The following TMEM45B variants were observed in gnomAD, a reference collection of about 807,000 sequenced individuals.
The protein encoded by TMEM45B is transmembrane protein 45B.
A neutral mutation model predicts 27.3 loss-of-function variants in TMEM45B; 29 were observed. That is an observed-to-expected ratio of 1.06 (90% CI 0.79 to 1.45). The LOEUF (loss-of-function observed/expected upper bound fraction) is 1.45. Ranked by LOEUF, TMEM45B falls within the 40% of genes most tolerant of loss-of-function variation. The probability of loss-of-function intolerance (pLI) is 0.00; values close to 1 mark genes in which losing one functional copy is unlikely to be tolerated. For missense variants in TMEM45B, 348 were observed against 343.9 expected (o/e 1.01, Z -0.09); for synonymous variants, 143 against 134.7 (o/e 1.06, Z -0.43).
At chr11:129,847,542 G>C (rs1219590542) in intron 1 of TMEM45B, among the ~76,000 whole-genome samples, 2 of 151,254 alleles carry the variant, frequency 1.3e-5, no homozygotes, top group Non-Finnish European at 2.9e-5. Context: ...TTCCTAGGCA[G>C]AGTGTGTGTG....
At chr11:129,822,788 T>C (rs1471941074) in intron 1 of TMEM45B, among the ~76,000 whole-genome samples, 1 of 152,160 alleles carries the variant, frequency 6.6e-6, no homozygotes, top group Non-Finnish European at 1.5e-5. Flanking sequence ...TACAACTAAT[T>C]TACTTTTTGA....
At chr11:129,848,178 G>A (rs898677396) in intron 1 of TMEM45B, among the ~76,000 whole-genome samples, 4 of 151,928 alleles carry the variant, frequency 2.6e-5, no homozygotes, top group African/African-American at 9.7e-5. Flanking sequence ...CTGGGAGGTG[G>A]AGGTTGTAGC....
At position 129,826,567 on chromosome 11, in the gene TMEM45B, A is replaced by AAAAAAAAAAAAAAAGAAAAAT. The variant is rs1199881268; in HGVS notation, c.-9+10670_-9+10671insAAAAAAAAAAAAAGAAAAATA. On this transcript the variant is annotated intron_variant, in intron 1 of 5. Transcript: ENST00000281441. ...CTGTCACAAAAAAAAAAAAAAAAAA[A>AAAAAAAAAAAAAAAGAAAAAT]AGGACCCTGAGAGGCTATGTGTCTT... Among the ~76,000 whole-genome samples the AAAAAAAAAAAAAAAGAAAAAT allele has an allele frequency of 1.8e-3, 174 of 96,064 alleles. 10 individuals carry two copies. The highest frequency in any genetic ancestry group is 2.3e-3 in the Non-Finnish European group (117 of 49,848). 63.0% of individuals were successfully genotyped at this position (96,064 alleles called of 152,430 possible).
chr11:129,816,193 C>A (rs981321079), intron 1 of TMEM45B, among the ~76,000 whole-genome samples: 1 of 152,108 alleles, frequency 6.6e-6, no homozygotes, highest in African/African-American at 2.4e-5. Flanking sequence ...TCCGGCTGGC[C>A]GCGGCCCTGG....
chr11:129,833,870 A>C (rs1033564970), intron 1 of TMEM45B, among the ~76,000 whole-genome samples: 7 of 152,234 alleles, frequency 4.6e-5, no homozygotes, highest in African/African-American at 1.7e-4. Flanking sequence ...CAGGAGAGAC[A>C]CCTCAGAAGA....
At chr11:129,842,384 T>C (rs1217364171) in intron 1 of TMEM45B, among the ~76,000 whole-genome samples, 1 of 152,220 alleles carries the variant, frequency 6.6e-6, no homozygotes, top group Non-Finnish European at 1.5e-5. Flanking sequence ...ACACTTCCTG[T>C]GTTCAAATTA....
chr11:129,818,021 T>A (rs1039313787), intron 1 of TMEM45B, among the ~76,000 whole-genome samples: 6 of 152,298 alleles, frequency 3.9e-5, no homozygotes, highest in Admixed American at 2.0e-4. Context: ...TATAGAAAGA[T>A]CATAAGACAA....
chr11:129,834,509 C>T (rs2135570181), intron 1 of TMEM45B, among the ~76,000 whole-genome samples: 1 of 150,956 alleles, frequency 6.6e-6, no homozygotes, highest in East Asian at 2.0e-4. Flanking sequence ...AAAAACAGAG[C>T]TGTAGAGAAA....
At chr11:129,836,485 T>G (rs182644576) in intron 1 of TMEM45B, among the ~76,000 whole-genome samples, 1 of 152,174 alleles carries the variant, frequency 6.6e-6, no homozygotes, top group South Asian at 2.1e-4. Context: ...CAGGGTGTTA[T>G]GGGCTGAGTG....
intron 1 of TMEM45B, among the ~76,000 whole-genome samples, chr11:129,820,814 T>C (rs949160035): frequency 2.6e-5 from 4 of 152,218 alleles, no homozygotes; most frequent in Non-Finnish European, 5.9e-5. Flanking sequence ...AAGGTTTTCA[T>C]TGAGTTTATA....
chr11:129,817,927 G>A (rs2135546649), intron 1 of TMEM45B, among the ~76,000 whole-genome samples: 1 of 152,254 alleles, frequency 6.6e-6, no homozygotes, highest in South Asian at 2.1e-4. Flanking sequence ...CCTTGCTATT[G>A]CAAAACTTTT....
chr11:129,833,592 T>C (rs1947580519), intron 1 of TMEM45B, among the ~76,000 whole-genome samples: 1 of 152,030 alleles, frequency 6.6e-6, no homozygotes, highest in African/African-American at 2.4e-5. Flanking sequence ...CTGGCCAACA[T>C]GGTGAAACCT....
At chr11:129,818,217 AT>A (rs1218404530) in intron 1 of TMEM45B, among the ~76,000 whole-genome samples, 1 of 152,212 alleles carries the variant, frequency 6.6e-6, no homozygotes, top group Non-Finnish European at 1.5e-5. Flanking sequence ...ATTTTAGCAA[AT>A]TTTATCTCTC....
chr11:129,857,463 G>C lies in TMEM45B; in HGVS notation c.716+5G>C. ...CAACTATTCTCTTGTTTACTGGTATGTCTGAGACTTCAGTGAAGCTTTTCC... is the reference window on the plus strand; with the variant it reads ...CAACTATTCTCTTGTTTACTGGTATCTCTGAGACTTCAGTGAAGCTTTTCC... On this transcript the variant is annotated splice_donor_5th_base_variant and intron_variant, in intron 5 of 5. Coordinates refer to ENST00000281441, the MANE Select transcript of TMEM45B (RefSeq NM_138788.5). 1 of 1,614,004 alleles carries C rather than the reference G, an allele frequency of 6.2e-7. No individual in the cohort carries two copies. The highest frequency in any genetic ancestry group is 8.5e-7 in the Non-Finnish European group (1 of 1,179,966).
intron 1 of TMEM45B, chr11:129,850,546 C>G (rs754545656): frequency 4.6e-5 from 7 of 152,208 alleles, no homozygotes; most frequent in Non-Finnish European, 1.0e-4. Flanking sequence ...GCCAAATATC[C>G]TAGGTCATCA....
intron 1 of TMEM45B, among the ~76,000 whole-genome samples, chr11:129,841,089 A>G (rs1183791551): frequency 6.6e-6 from 1 of 152,090 alleles, no homozygotes; most frequent in Non-Finnish European, 1.5e-5. Context: ...TTATTCTTGA[A>G]AAACTACTAG....
chr11:129,839,176 T>C (rs997217475), intron 1 of TMEM45B, among the ~76,000 whole-genome samples: 3 of 152,110 alleles, frequency 2.0e-5, no homozygotes, highest in African/African-American at 4.8e-5. Flanking sequence ...TCCCTAGATA[T>C]GAAATAAAAA....
At chr11:129,838,439 C>A (rs1947650882) in intron 1 of TMEM45B, among the ~76,000 whole-genome samples, 1 of 152,108 alleles carries the variant, frequency 6.6e-6, no homozygotes, top group African/African-American at 2.4e-5. Context: ...TTTAATGATA[C>A]AAAGAATTTT....
chr11:129,817,962 A>T, intron 1 of TMEM45B, among the ~76,000 whole-genome samples: 1 of 152,242 alleles, frequency 6.6e-6, no homozygotes, highest in Non-Finnish European at 1.5e-5. Context: ...TAAAGTCACT[A>T]GTGTGTCATC....
Sources: gnomAD v4.1 joint callset for allele counts (sites outside exome capture counted in the v4.1 genomes callset) on GRCh38, gnomAD v4.1.1 for gene constraint, MANE v1.5 for transcripts, NCBI Gene and HGNC (gene_info 2026-07-23, HGNC 2026-07-21) for gene names.